Variants in FAM47E observed in about 807,000 individuals in gnomAD.
FAM47E encodes the protein protein FAM47E.
FAM47E carries 32 observed loss-of-function variants against 41.6 expected under a neutral mutation model. The ratio of observed to expected loss-of-function variants is 0.77; its 90% confidence interval spans 0.58 to 1.03. The LOEUF (loss-of-function observed/expected upper bound fraction) is 1.03. FAM47E is among the 50% of genes least tolerant of loss of function. The pLI, the probability that FAM47E is intolerant of heterozygous loss-of-function variation, is 0.00. For missense variants in FAM47E, 424 were observed against 485.4 expected, an observed-to-expected ratio of 0.87 and a Z score of 1.19; for synonymous variants, 184 against 188.7, an observed-to-expected ratio of 0.98 and a Z score of 0.20.
chr4:76,271,615 T>G lies in FAM47E; in HGVS notation c.717T>G (p.Ile239Met). ...DEEFILKQFD[I>M]DYETKPSHDA... ...AGTTCATCTTGAAACAGTTTGACAT[T>G]GACTATGAGACCAAACCAAGCCATG... is the stretch of plus-strand genomic sequence containing the variant. The change falls in exon 5 of 8, where the codon ATT becomes ATG. Residue 239 changes from isoleucine (I) to methionine (M), a missense_variant. By Grantham distance (10) the Ile-to-Met change is conservative. Coordinates refer to ENST00000424749, the MANE Select transcript of FAM47E (RefSeq NM_001136570.3). 6.4e-7 allele frequency: 1 copy of G among 1,552,188 alleles called. No homozygotes were observed. The highest frequency in any genetic ancestry group is 8.7e-7 in the Non-Finnish European group (1 of 1,147,102).
intron 2 of FAM47E, among the ~76,000 whole-genome samples, chr4:76,229,251 G>A (rs1162760412): frequency 2.0e-5 from 3 of 152,012 alleles, no homozygotes; most frequent in African/African-American, 7.3e-5. Flanking sequence ...GTCTTGTATT[G>A]TTTTTTAAAT....
intron 2 of FAM47E, among the ~76,000 whole-genome samples, chr4:76,258,705 G>T (rs1167400078): frequency 6.6e-6 from 1 of 152,156 alleles, no homozygotes; most frequent in Non-Finnish European, 1.5e-5. Flanking sequence ...GATCCCCAAA[G>T]TCTAAAATCC....
intron 2 of FAM47E, among the ~76,000 whole-genome samples, chr4:76,238,000 T>C (rs1190702141): frequency 1.3e-5 from 2 of 152,136 alleles, no homozygotes; most frequent in African/African-American, 2.4e-5. Flanking sequence ...AGACCCATAG[T>C]TGAGTTTGCA....
chr4:76,226,033 T>C lies in FAM47E; in HGVS notation c.81+8345T>C, dbSNP rs1733391485. ...CATCCGGTCCTGGACTTCTTTTTGT[T>C]GGCAGTATTTTTTATTACTGTTTGT... On this transcript the variant is annotated intron_variant, in intron 2 of 7. Transcript: ENST00000510197. Among the ~76,000 whole-genome samples, 3 of 152,350 alleles carry C rather than the reference T, an allele frequency of 2.0e-5. No homozygotes were observed. The South Asian group carries it at 6.2e-4, about 32-fold the overall frequency.
intron 2 of FAM47E, among the ~76,000 whole-genome samples, chr4:76,239,447 C>T (rs1733661582): frequency 6.6e-6 from 1 of 152,122 alleles, no homozygotes; most frequent in Non-Finnish European, 1.5e-5. Context: ...GGTGGTATCT[C>T]ATTGTTATTT....
At chr4:76,274,921 C>T (rs926893275) in intron 5 of FAM47E, among the ~76,000 whole-genome samples, 2 of 152,182 alleles carry the variant, frequency 1.3e-5, no homozygotes, top group Non-Finnish European at 2.9e-5. Flanking sequence ...CCTGTCATCT[C>T]AATTCAGAGA....
chr4:76,214,265 TGCTGAGATCATGCCA>T (rs1468322172), exon 1 of FAM47E: 1 of 455,720 alleles, frequency 2.2e-6, no homozygotes, highest in Non-Finnish European at 4.4e-6. Flanking sequence ...ACCAGGTGCC[TGCTGAGATCATGCCA>T]GCAAGCATGT....
intron 2 of FAM47E, among the ~76,000 whole-genome samples, chr4:76,221,194 G>C (rs1016930425): frequency 6.6e-6 from 1 of 152,234 alleles, no homozygotes; most frequent in Non-Finnish European, 1.5e-5. Context: ...CTCTGGAACC[G>C]AATCATACAG....
chr4:76,237,363 TTG>T (rs774860022), intron 2 of FAM47E, among the ~76,000 whole-genome samples: 18 of 79,078 alleles, frequency 2.3e-4, no homozygotes, highest in South Asian at 7.9e-4. Context: ...TTTTTTTTTT[TTG>T]TTTGTTTGTT....
chr4:76,229,673 T>TCCAC (rs1733459968), intron 2 of FAM47E, among the ~76,000 whole-genome samples: 1 of 152,190 alleles, frequency 6.6e-6, no homozygotes, highest in Non-Finnish European at 1.5e-5. Flanking sequence ...AATACCTGAT[T>TCCAC]CCTGTGATGT....
At chr4:76,277,846 A>G (rs947737584) in intron 5 of FAM47E, among the ~76,000 whole-genome samples, 12 of 152,230 alleles carry the variant, frequency 7.9e-5, no homozygotes, top group African/African-American at 2.9e-4. Flanking sequence ...TGGTCTGTCA[A>G]AATCCAAAGG....
intron 2 of FAM47E, among the ~76,000 whole-genome samples, chr4:76,232,615 T>C (rs985253189): frequency 4.6e-5 from 7 of 152,192 alleles, no homozygotes; most frequent in African/African-American, 1.2e-4. Context: ...TTTTGGAACA[T>C]GTATTAATAT....
intron 2 of FAM47E, among the ~76,000 whole-genome samples, chr4:76,240,084 C>T (rs963313884): frequency 6.6e-6 from 1 of 152,136 alleles, no homozygotes; most frequent in Non-Finnish European, 1.5e-5. Context: ...TGTGCCAGTA[C>T]CACACTGTTT....
At chr4:76,214,768 C>T (rs993424965) in intron 1 of FAM47E, among the ~76,000 whole-genome samples, 3 of 152,186 alleles carry the variant, frequency 2.0e-5, no homozygotes, top group Non-Finnish European at 2.9e-5. Context: ...TCATTTAATA[C>T]CCTTGGCAGT....
At chr4:76,234,276 TGA>T (rs1245089384) in intron 2 of FAM47E, 1 of 152,336 alleles carries the variant, frequency 6.6e-6, no homozygotes, top group Non-Finnish European at 1.5e-5. Context: ...GGAGCAACAG[TGA>T]GAGGTTTTGA....
At chr4:76,225,346 G>A (rs1454662784) in intron 2 of FAM47E, among the ~76,000 whole-genome samples, 1 of 152,164 alleles carries the variant, frequency 6.6e-6, no homozygotes, top group Non-Finnish European at 1.5e-5. Context: ...AGCGAACAGT[G>A]ACAGTTTGAC....
rs532695615 is a variant in FAM47E, at chr4:76,228,744, A to C, written c.81+11056A>C. Among the ~76,000 whole-genome samples, 877 of 152,214 alleles carry C rather than the reference A, an allele frequency of 5.8e-3. 11 individuals are homozygous for C. The highest frequency in any genetic ancestry group is 0.02 in the African/African-American group (830 of 41,520). On this transcript the variant is annotated intron_variant, in intron 2 of 7. Coordinates refer to the FAM47E transcript ENST00000510197. ...CTATTAATCTGATAGATTTTCCTTT[A>C]TAGGTTACATGATGCTTTTGCCTCA...
At chr4:76,228,080 G>A (rs1038653828) in intron 2 of FAM47E, among the ~76,000 whole-genome samples, 4 of 101,362 alleles carry the variant, frequency 3.9e-5, no homozygotes, top group African/African-American at 1.2e-4. Context: ...GCTAGTTGGT[G>A]CCTGAATACC....
At chr4:76,248,545 A>C (rs1013777573), upstream of FAM47E, among the ~76,000 whole-genome samples, 9 of 152,280 alleles carry the variant, frequency 5.9e-5, no homozygotes, top group African/African-American at 2.2e-4. Context: ...CCTGACACAC[A>C]TTATATACTC....
Sources: allele counts gnomAD v4.1 joint callset (sites outside exome capture counted in the v4.1 genomes callset), GRCh38; gene constraint gnomAD v4.1.1; transcripts MANE v1.5; gene names NCBI Gene and HGNC (gene_info 2026-07-23, HGNC 2026-07-21).